LRRC49: variants seen among roughly 807,000 people sequenced by gnomAD.
LRRC49 encodes leucine rich repeat containing 49.
Under a neutral mutation model 83.3 loss-of-function variants are expected in LRRC49, and 50 were observed. The observed-to-expected ratio is 0.60, with a 90% CI of 0.48 to 0.76. The LOEUF (loss-of-function observed/expected upper bound fraction) is 0.76. Ranked by LOEUF, LRRC49 falls within the 30% of genes least tolerant of loss-of-function variation. The pLI, the probability that LRRC49 is intolerant of heterozygous loss-of-function variation, is 0.00. For missense variants in LRRC49, 704 were observed against 809.1 expected (o/e 0.87, Z 1.58); for synonymous variants, 286 against 283.3 (o/e 1.01, Z -0.10).
At chr15:70,954,489 G>GT (rs1048975640) in intron 8 of LRRC49, among the ~76,000 whole-genome samples, 42 of 152,302 alleles carry the variant, frequency 2.8e-4, no homozygotes, top group African/African-American at 9.4e-4. Flanking sequence ...TCATCTGGAG[G>GT]TAAGAAGACA....
At chr15:70,888,288 T>A (rs145793879), upstream of LRRC49, among the ~76,000 whole-genome samples, 2 of 152,138 alleles carry the variant, frequency 1.3e-5, no homozygotes, top group African/African-American at 2.4e-5. Context: ...AATAAAGCTA[T>A]ATAAGACACT....
chr15:70,945,637 ATG>A (rs1318640935), intron 8 of LRRC49, among the ~76,000 whole-genome samples: 1 of 148,460 alleles, frequency 6.7e-6, no homozygotes, highest in African/African-American at 2.5e-5. Context: ...AGTATTAAAG[ATG>A]TTTTTTTTTT....
intron 7 of LRRC49, among the ~76,000 whole-genome samples, chr15:70,926,036 T>G (rs2141141566): frequency 6.6e-6 from 1 of 152,320 alleles, no homozygotes; most frequent in South Asian, 2.1e-4. Flanking sequence ...ATATAAAGAT[T>G]ATGTACTCTT....
intron 14 of LRRC49, among the ~76,000 whole-genome samples, chr15:71,022,211 A>G (rs2039015857): frequency 6.6e-6 from 1 of 152,074 alleles, no homozygotes; most frequent in African/African-American, 2.4e-5. Flanking sequence ...TGTCTCTACT[A>G]AAAATACAAA....
At chr15:71,006,897 C>T (rs1036930572) in intron 11 of LRRC49, among the ~76,000 whole-genome samples, 24 of 152,018 alleles carry the variant, frequency 1.6e-4, no homozygotes, top group Non-Finnish European at 2.9e-5. Context: ...CTCAATGTAT[C>T]ACACAAAGCA....
At chr15:70,919,217 A>G in intron 7 of LRRC49, 24 bp downstream of exon 7, 1 of 1,577,186 alleles carries the variant, frequency 6.3e-7, no homozygotes, top group East Asian at 2.3e-5. Flanking sequence ...TGGAGTTGAT[A>G]TGTACTTTGT....
intron 7 of LRRC49, among the ~76,000 whole-genome samples, chr15:70,934,230 T>C (rs1224369357): frequency 1.3e-5 from 2 of 152,216 alleles, no homozygotes; most frequent in Admixed American, 1.3e-4. Flanking sequence ...AATGCATGCA[T>C]AGATAATTGA....
chr15:70,938,655 C>G, intron 8 of LRRC49, among the ~76,000 whole-genome samples: 1 of 152,146 alleles, frequency 6.6e-6, no homozygotes, highest in East Asian at 1.9e-4. Context: ...GTCAGATAAC[C>G]TGTAGTGATA....
intron 9 of LRRC49, among the ~76,000 whole-genome samples, chr15:70,972,196 C>T (rs986762551): frequency 3.9e-5 from 6 of 152,186 alleles, no homozygotes; most frequent in Non-Finnish European, 5.9e-5. Context: ...CAAAATACCT[C>T]AGCATTTGCT....
chr15:71,019,299 A>T (rs1027666568), intron 14 of LRRC49, among the ~76,000 whole-genome samples: 1 of 151,898 alleles, frequency 6.6e-6, no homozygotes, highest in Non-Finnish European at 1.5e-5. Flanking sequence ...TGGCTCACAC[A>T]CCCCAGTTAC....
At chr15:70,883,354 G>A (rs1473418819) in intron 2 of LRRC49, among the ~76,000 whole-genome samples, 3 of 152,030 alleles carry the variant, frequency 2.0e-5, no homozygotes, top group Non-Finnish European at 4.4e-5. Flanking sequence ...ACCACGCCCA[G>A]CTAATTTTTT....
intron 15 of LRRC49, among the ~76,000 whole-genome samples, chr15:71,039,097 T>C (rs796467818): frequency 9.1e-4 from 138 of 152,086 alleles, no homozygotes; most frequent in African/African-American, 3.3e-3. Context: ...AAAATATAGC[T>C]ATATTAAAAA....
At position 70,879,245 on chromosome 15, in the gene LRRC49, C is replaced by T. The variant is rs548839509; in HGVS notation, c.18+6022C>T. ...ATCTCTCTGTTGAGATTCCTCATGT[C>T]TCTTCATTATGACTACATTTTCCTC... On this transcript the variant is annotated intron_variant, in intron 2 of 16. Transcript: ENST00000544974. Among the ~76,000 whole-genome samples, 3 of 152,250 alleles carry T rather than the reference C, an allele frequency of 2.0e-5. No homozygotes were observed. The South Asian group carries it at 6.2e-4, about 32-fold the overall frequency.
chr15:70,895,744 A>G (rs1164789237), intron 2 of LRRC49, 105 bp from the exon 3 acceptor site: 4 of 618,986 alleles, frequency 6.5e-6, no homozygotes, highest in Non-Finnish European at 8.2e-6. Flanking sequence ...AGGTTCATCC[A>G]CATTGTACCA....
intron 9 of LRRC49, among the ~76,000 whole-genome samples, chr15:70,968,302 CAAAGGA>C (rs2036866172): frequency 6.6e-6 from 1 of 152,112 alleles, no homozygotes; most frequent in Non-Finnish European, 1.5e-5. Flanking sequence ...CATGTCCGTA[CAAAGGA>C]CATGAACTCA....
chr15:70,855,056 G>A (rs553732166), intron 1 of LRRC49, among the ~76,000 whole-genome samples: 2 of 152,084 alleles, frequency 1.3e-5, no homozygotes, highest in African/African-American at 2.4e-5. Flanking sequence ...AAGACCGGCC[G>A]GGCGCAGTGG....
chr15:70,875,948 T>C lies in LRRC49; in HGVS notation c.18+2725T>C, dbSNP rs1451918920. 3.3e-5 allele frequency among the ~76,000 whole-genome samples: 5 copies of C among 152,334 alleles called. No individual in the cohort carries two copies. The East Asian group carries it at 7.7e-4, about 23-fold the overall frequency. ...GAGCAAGTGCTAGACAGTTTCTTTCTTTTTTCTTTTTTTTTAGTGGATTAT... is the reference window on the plus strand; with the variant it reads ...GAGCAAGTGCTAGACAGTTTCTTTCCTTTTTCTTTTTTTTTAGTGGATTAT... On this transcript the variant is annotated intron_variant, in intron 2 of 16. Transcript: ENST00000544974.
exon 1 of LRRC49, chr15:70,853,422 G>A (rs1457588310): frequency 6.5e-6 from 1 of 153,072 alleles, no homozygotes; most frequent in Non-Finnish European, 1.5e-5. Flanking sequence ...TAAAGACTGA[G>A]CGCAGCCAGC....
At chr15:70,870,945 G>GTT (rs71281973) in intron 1 of LRRC49, among the ~76,000 whole-genome samples, 2,152 of 88,458 alleles carry the variant, frequency 0.024, 43 homozygotes, top group Admixed American at 0.049. Flanking sequence ...GCCATGCTTA[G>GTT]TTTTTTTTTT....
Sources: allele counts gnomAD v4.1 joint callset (sites outside exome capture counted in the v4.1 genomes callset), GRCh38; gene constraint gnomAD v4.1.1; transcripts MANE v1.5; gene names NCBI Gene and HGNC (gene_info 2026-07-23, HGNC 2026-07-21).